The following SPINK2 variants were observed in gnomAD, a reference collection of about 807,000 sequenced individuals.
SPINK2 encodes the protein serine protease inhibitor Kazal-type 2.
SPINK2 carries 8 observed loss-of-function variants against 13.5 expected under a neutral mutation model. The ratio of observed to expected loss-of-function variants is 0.59; its 90% CI spans 0.35 to 1.07. SPINK2 has a LOEUF of 1.07. Among genes scored for constraint, SPINK2 ranks in the 50% least tolerant of loss-of-function variants. SPINK2 has a pLI of 0.02. For synonymous variants in SPINK2, 76 were observed against 74.7 expected (o/e 1.02, Z -0.09); for missense variants, 148 against 180.3 (o/e 0.82, Z 1.03).
Position 56,814,222 on chromosome 4 carries a change from G to A in SPINK2, c.250-2428C>T, listed in dbSNP as rs114703560. 4.2e-3 allele frequency among the ~76,000 whole-genome samples: 642 copies of A among 151,636 alleles called. 9 individuals are homozygous for A. The highest frequency in any genetic ancestry group is 0.014 in the African/African-American group (564 of 41,408). The stretch of plus-strand genomic sequence containing the variant: ...CAGGCATGAGCCGCCGCACCCTGCC[G>A]AGACTCCTAACTAACGCCTGATGGT... On this transcript the variant is annotated intron_variant, in intron 2 of 3. Coordinates refer to ENST00000506738, the MANE Select transcript of SPINK2 (RefSeq NM_001271718.2).
At chr4:56,818,517 CG>C (rs1292048280) in intron 2 of SPINK2, among the ~76,000 whole-genome samples, 1 of 152,036 alleles carries the variant, frequency 6.6e-6, no homozygotes, top group Non-Finnish European at 1.5e-5. Context: ...AAAAATTAGC[CG>C]GGCGTGGTGG....
At chr4:56,814,980 A>ACC (rs1553894672) in intron 2 of SPINK2, among the ~76,000 whole-genome samples, 1 of 137,990 alleles carries the variant, frequency 7.2e-6, no homozygotes, top group East Asian at 2.2e-4. Flanking sequence ...AAAAAAAAAA[A>ACC]AAACAAAGGC....
chr4:56,819,455 T>C (rs566464705), intron 2 of SPINK2, among the ~76,000 whole-genome samples: 2 of 152,254 alleles, frequency 1.3e-5, no homozygotes, highest in Non-Finnish European at 2.9e-5. Context: ...CAGCATCCTG[T>C]CCAGGAACCC....
chr4:56,812,933 G>C (rs1315389806), intron 2 of SPINK2, among the ~76,000 whole-genome samples: 1 of 152,224 alleles, frequency 6.6e-6, no homozygotes, highest in Non-Finnish European at 1.5e-5. Flanking sequence ...ACTACAGGAA[G>C]AGAGTTCAAT....
intron 2 of SPINK2, among the ~76,000 whole-genome samples, chr4:56,818,478 G>A (rs1288349397): frequency 5.9e-5 from 9 of 152,248 alleles, no homozygotes; most frequent in Admixed American, 4.6e-4. Context: ...GGCCAACATG[G>A]TGAAACACTG....
intron 3 of SPINK2, 61 bp downstream of exon 3, chr4:56,811,624 A>T: frequency 8.3e-7 from 1 of 1,197,852 alleles, no homozygotes; most frequent in Non-Finnish European, 1.2e-6. Flanking sequence ...CAAAAAAAAA[A>T]AGAAGAAAAA....
chr4:56,813,514 G>A (rs965702213), intron 2 of SPINK2, among the ~76,000 whole-genome samples: 9 of 152,034 alleles, frequency 5.9e-5, no homozygotes, highest in African/African-American at 1.7e-4. Context: ...TATCAACTGA[G>A]CTCTGCCTCC....
chr4:56,812,511 C>T (rs948525873), intron 2 of SPINK2, among the ~76,000 whole-genome samples: 3 of 144,234 alleles, frequency 2.1e-5, no homozygotes, highest in South Asian at 4.5e-4. Flanking sequence ...GCCGAGATCA[C>T]GCCATTGCAC....
At chr4:56,818,567 A>G (rs553913738) in intron 2 of SPINK2, among the ~76,000 whole-genome samples, 40 of 152,278 alleles carry the variant, frequency 2.6e-4, no homozygotes, top group Middle Eastern at 3.4e-3. Context: ...AGGCTAAGGC[A>G]GAAGAATCAC....
At chr4:56,810,967 T>C (rs987681800) in intron 3 of SPINK2, among the ~76,000 whole-genome samples, 55 of 150,388 alleles carry the variant, frequency 3.7e-4, no homozygotes, top group African/African-American at 1.3e-3. Context: ...ACTCATTACT[T>C]AGCATTCTAG....
chr4:56,810,532 A>G, intron 3 of SPINK2: 2 of 230,166 alleles, frequency 8.7e-6, no homozygotes, highest in Non-Finnish European at 1.7e-5. Flanking sequence ...GTGAATCCCC[A>G]CCTCTACTAA....
chr4:56,815,331 C>T (rs1164490340), intron 2 of SPINK2, among the ~76,000 whole-genome samples: 1 of 152,030 alleles, frequency 6.6e-6, no homozygotes, highest in Non-Finnish European at 1.5e-5. Flanking sequence ...AACACTATAC[C>T]GAAGTTTCTT....
chr4:56,810,161 AT>A lies in SPINK2; in HGVS notation c.382del (p.Ile128SerfsTer59). 1 of 1,610,186 alleles carries A rather than the reference AT, an allele frequency of 6.2e-7. No homozygotes were observed. Among genetic ancestry groups the A allele is most frequent in the South Asian group, 1.1e-5 (1 of 90,206 alleles). ...CCATCAGCAGGGTCCATTTCGAATG[AT>A]TTTAATATTATGACCACCTTCCCTG... ...KIREGGHNIK[I>X]IRNGPC On this transcript the variant is annotated frameshift_variant, in exon 4 of 4. Coordinates refer to ENST00000506738, the MANE Select transcript of SPINK2 (RefSeq NM_001271718.2). LOFTEE classifies it high-confidence loss of function.
At chr4:56,817,231 A>C (rs1717530697) in intron 2 of SPINK2, among the ~76,000 whole-genome samples, 1 of 152,176 alleles carries the variant, frequency 6.6e-6, no homozygotes, top group Non-Finnish European at 1.5e-5. Context: ...ATTAGGAATA[A>C]ATATTTACAA....
Position 56,810,007 on chromosome 4 carries a change from C to T in SPINK2, c.*132G>A. The T allele has an allele frequency of 2.0e-6, 3 of 1,520,612 alleles. No individual in the cohort carries two copies. The Admixed American group carries it at 7.7e-5, about 39-fold the overall frequency. The allele number at this position is 1,520,612 out of a possible 1,614,324, so 94.2% of individuals were successfully genotyped here. ...TCACTACACATGGCTGTCTTCCATA[C>T]CTGCTCTCAGAAAATGTGTGTTAAC... On this transcript the variant is annotated 3_prime_UTR_variant, in exon 4 of 4. Transcript: ENST00000506738.
In SPINK2 at chr4:56,815,797, C is replaced by A. The variant is rs556757691; in HGVS notation, c.250-4003G>T. ...ACACACACACACACACACACACACA[C>A]AAAACTATTATTACTAATAAACAAG... On this transcript the variant is annotated intron_variant, in intron 2 of 3. Transcript: ENST00000506738. 3.0e-3 allele frequency among the ~76,000 whole-genome samples: 444 copies of A among 147,718 alleles called. 3 individuals are homozygous for A. Among genetic ancestry groups the A allele is most frequent in the Middle Eastern group, 6.8e-3 (2 of 292 alleles).
Position 56,821,614 on chromosome 4 carries a change from A to G in SPINK2, c.49T>C (p.Phe17Leu), listed in dbSNP as rs900559720. ...GGACCGCTCCGAGCGCTACCTGCGA[A>G]GGTAACTGCCAGGAGCAGCAGCGCC... Reference protein sequence around the residue: ...RLALLLLAVTFAGSARSGPGE... With the variant: ...RLALLLLAVTLAGSARSGPGE... Residue 17 changes from phenylalanine to leucine, a missense_variant, in exon 1 of 4, where the codon TTC becomes CTC. Phe to Leu is a conservative substitution (Grantham distance 22). Transcript: ENST00000506738. The G allele has an allele frequency of 1.9e-6, 3 of 1,549,752 alleles. No homozygotes were observed. The highest frequency in any genetic ancestry group is 2.7e-5 in the African/African-American group (2 of 72,938).
At chr4:56,819,997 C>G (rs1717799136) in intron 2 of SPINK2, among the ~76,000 whole-genome samples, 1 of 152,154 alleles carries the variant, frequency 6.6e-6, no homozygotes, top group African/African-American at 2.4e-5. Context: ...CCAGAGAAAA[C>G]CAAATACACA....
chr4:56,815,544 G>A (rs748185173), intron 2 of SPINK2, among the ~76,000 whole-genome samples: 2 of 151,644 alleles, frequency 1.3e-5, no homozygotes, highest in Non-Finnish European at 2.9e-5. Context: ...TACTAAAAAT[G>A]CAAAAATTAG....
Sources: allele counts gnomAD v4.1 joint callset (sites outside exome capture counted in the v4.1 genomes callset), GRCh38; gene constraint gnomAD v4.1.1; transcripts MANE v1.5; gene names NCBI Gene and HGNC (gene_info 2026-07-23, HGNC 2026-07-21).